The following PRKCZ variants were observed in gnomAD, a reference collection of about 807,000 sequenced individuals.
PRKCZ encodes the protein protein kinase C zeta.
PRKCZ carries 33 observed loss-of-function variants against 79.5 expected under a neutral mutation model. That is an observed-to-expected ratio of 0.41 (90% confidence interval 0.31 to 0.55). The LOEUF is 0.55. PRKCZ is among the 20% of genes least tolerant of loss of function. The pLI is 0.19. For missense variants in PRKCZ, 578 were observed against 813.5 expected, an observed-to-expected ratio of 0.71 and a Z score of 3.52; for synonymous variants, 342 against 320.9, an observed-to-expected ratio of 1.07 and a Z score of -0.70.
At chr1:2,062,821 C>T (rs932592278) in intron 4 of PRKCZ, among the ~76,000 whole-genome samples, 2 of 152,068 alleles carry the variant, frequency 1.3e-5, no homozygotes, top group African/African-American at 4.8e-5. Flanking sequence ...AGGTTCAATT[C>T]ACTGGTATTC....
chr1:2,093,855 C>T (rs1255234401), intron 4 of PRKCZ, among the ~76,000 whole-genome samples: 1 of 152,156 alleles, frequency 6.6e-6, no homozygotes, highest in Non-Finnish European at 1.5e-5. Context: ...GGGCACGGGA[C>T]GAGCCGAGGA....
chr1:2,143,386 G>A (rs1677809332), intron 5 of PRKCZ: 1 of 152,206 alleles, frequency 6.6e-6, no homozygotes, highest in Admixed American at 6.5e-5. Flanking sequence ...AAGGAAATTT[G>A]TGAAAAATGG....
At chr1:2,152,622 T>A (rs1234522094) in intron 9 of PRKCZ, among the ~76,000 whole-genome samples, 1 of 152,278 alleles carries the variant, frequency 6.6e-6, no homozygotes, top group East Asian at 1.9e-4. Context: ...ACCTCTCTGA[T>A]TCCAGAACAT....
chr1:2,134,937 G>A, intron 4 of PRKCZ: 1 of 197,508 alleles, frequency 5.1e-6, no homozygotes, highest in Non-Finnish European at 1.0e-5. Flanking sequence ...GACGGACCCG[G>A]CCTGCGTTGG....
At chr1:2,151,915 A>G (rs977717472) in intron 9 of PRKCZ, among the ~76,000 whole-genome samples, 4 of 151,444 alleles carry the variant, frequency 2.6e-5, no homozygotes, top group African/African-American at 9.7e-5. Context: ...TGCAGCCTCC[A>G]CCTCCTCCTG....
At chr1:2,167,004 G>GCTTGTGTC (rs1263710623) in intron 10 of PRKCZ, among the ~76,000 whole-genome samples, 1 of 152,268 alleles carries the variant, frequency 6.6e-6, no homozygotes, top group African/African-American at 2.4e-5. Context: ...AGCCAGCTCA[G>GCTTGTGTC]CTTGTGTCAC....
At chr1:2,104,852 G>A (rs1668107244) in intron 4 of PRKCZ, 1 of 985,570 alleles carries the variant, frequency 1.0e-6, no homozygotes. Context: ...AGCGGGGACT[G>A]GTGAGTGTGT....
intron 4 of PRKCZ, among the ~76,000 whole-genome samples, chr1:2,073,098 G>A (rs1038169408): frequency 2.0e-5 from 3 of 152,158 alleles, no homozygotes; most frequent in East Asian, 1.9e-4. Context: ...CTAGGAGCCC[G>A]GGCTGGCCAC....
intron 4 of PRKCZ, among the ~76,000 whole-genome samples, chr1:2,064,838 C>T (rs1660987691): frequency 1.3e-5 from 2 of 152,302 alleles, no homozygotes; most frequent in South Asian, 4.1e-4. Context: ...TTGGGGTCCC[C>T]TGAGATTCCA....
rs534893323 is a variant in PRKCZ at position 2,080,576 on chromosome 1, T to G, written c.334+20985T>G. Among the ~76,000 whole-genome samples the G allele has an allele frequency of 7.9e-5, 12 of 152,308 alleles. No homozygotes were observed. In the East Asian group the frequency reaches 1.9e-3, roughly 25 times the overall value. On this transcript the variant is annotated intron_variant, in intron 4 of 17. Coordinates refer to ENST00000378567, the MANE Select transcript of PRKCZ (RefSeq NM_002744.6). ...GGGAAGACCAGTTTTTGGAACAGTT[T>G]TGGATTTACAGAAAAATCAGGACAG...
chr1:2,141,818 GTTC>G (rs1677379791), intron 5 of PRKCZ: 1 of 191,480 alleles, frequency 5.2e-6, no homozygotes, highest in South Asian at 6.8e-5. Flanking sequence ...GGAAGCTGGT[GTTC>G]TTCTGCGCTG....
chr1:2,059,459 G>C, intron 3 of PRKCZ, 82 bp from the exon 4 acceptor site: 3 of 1,541,654 alleles, frequency 1.9e-6, no homozygotes, highest in East Asian at 2.3e-5. Flanking sequence ...TGCTCAGCCT[G>C]ACTGAGGCGG....
chr1:2,144,431 T>C, intron 6 of PRKCZ, 90 bp downstream of exon 6: 1 of 1,509,362 alleles, frequency 6.6e-7, no homozygotes, highest in South Asian at 1.3e-5. Flanking sequence ...TTGGTGACCC[T>C]GGGTTCTTCA....
Position 2,144,287 on chromosome 1 carries a change from G to A in PRKCZ, c.498G>A (p.Leu166=), listed in dbSNP as rs1678023446. The change falls in exon 6 of 18, where the codon CTG becomes CTA. Residue 166 remains leucine (L), a synonymous_variant. Transcript: ENST00000378567. ...GCTACAGGTGCATCAACTGCAAACTGCTGGTCCATAAGCGCTGCCACGGCC... is the reference window on the plus strand; with the variant it reads ...GCTACAGGTGCATCAACTGCAAACTACTGGTCCATAAGCGCTGCCACGGCC... ...RQGYRCINCK[L]LVHKRCHGLV... is the part of the protein sequence containing the mutation. The A allele has an allele frequency of 1.9e-6, 3 of 1,567,460 alleles. No homozygotes were observed. The African/African-American group carries it at 4.0e-5, about 21-fold the overall frequency.
intron 10 of PRKCZ, among the ~76,000 whole-genome samples, chr1:2,167,655 G>C (rs542179337): frequency 6.6e-6 from 1 of 152,260 alleles, no homozygotes; most frequent in Non-Finnish European, 1.5e-5. Flanking sequence ...CCAGGCTGGA[G>C]TGCAGTGGCG....
At chr1:2,147,249 C>T (rs1207755073) in intron 7 of PRKCZ, among the ~76,000 whole-genome samples, 1 of 152,076 alleles carries the variant, frequency 6.6e-6, no homozygotes, top group Non-Finnish European at 1.5e-5. Flanking sequence ...ACTGACGTCT[C>T]CATCTATCCA....
Position 2,120,389 on chromosome 1 carries a change from T to A in PRKCZ, c.335-14873T>A, listed in dbSNP as rs1452955614. On this transcript the variant is annotated intron_variant, in intron 4 of 17. Coordinates refer to ENST00000378567, the MANE Select transcript of PRKCZ (RefSeq NM_002744.6). Reference sequence around the variant, plus strand: ...ATCTCGACTCACTGCAATCTCCACCTCCCCGGTTCAAGTGATTCTCCTGCC... The same window carrying A: ...ATCTCGACTCACTGCAATCTCCACCACCCCGGTTCAAGTGATTCTCCTGCC... 2.4e-5 allele frequency among the ~76,000 whole-genome samples: 3 copies of A among 125,634 alleles called. No homozygotes were observed. In the Admixed American group the frequency reaches 3.1e-4, roughly 13 times the overall value. 82.4% of individuals were successfully genotyped at this position (125,634 alleles called of 152,430 possible).
intron 5 of PRKCZ, among the ~76,000 whole-genome samples, chr1:2,140,212 G>A (rs895875829): frequency 1.3e-5 from 2 of 152,192 alleles, no homozygotes; most frequent in Non-Finnish European, 2.9e-5. Flanking sequence ...AATAAATCAG[G>A]CATCTGAGCT....
intron 4 of PRKCZ, among the ~76,000 whole-genome samples, chr1:2,064,331 G>GT (rs1297244086): frequency 6.6e-6 from 1 of 152,106 alleles, no homozygotes; most frequent in East Asian, 1.9e-4. Context: ...TTTTTACTTT[G>GT]TTGATAGTGC....
Sources: gnomAD v4.1 joint callset for allele counts (sites outside exome capture counted in the v4.1 genomes callset) on GRCh38, gnomAD v4.1.1 for gene constraint, MANE v1.5 for transcripts, NCBI Gene and HGNC (gene_info 2026-07-23, HGNC 2026-07-21) for gene names.